The following DNHD1 variants were observed in gnomAD, a reference collection of about 807,000 sequenced individuals.
DNHD1 encodes dynein heavy chain domain-containing protein 1.
In DNHD1, 383 loss-of-function variants were observed where a neutral mutation model predicts 458.1. That is an observed-to-expected ratio of 0.84 (90% confidence interval 0.77 to 0.91). The LOEUF is 0.91. Among genes scored for constraint, DNHD1 ranks in the 40% least tolerant of loss-of-function variants. The pLI, the probability that DNHD1 is intolerant of heterozygous loss-of-function variation, is 0.00. For synonymous variants in DNHD1, 2,203 were observed against 2,376.9 expected (o/e 0.93, Z 2.13); for missense variants, 5,336 against 5,866.1 (o/e 0.91, Z 2.95).
intron 10 of DNHD1, among the ~76,000 whole-genome samples, chr11:6,524,950 G>T (rs887891797): frequency 3.9e-5 from 6 of 152,178 alleles, no homozygotes; most frequent in Non-Finnish European, 2.9e-5. Flanking sequence ...TGGTCATCAA[G>T]TACCAGGTTC....
chr11:6,556,606 G>T (rs928758754), intron 24 of DNHD1, 77 bp from the exon 25 acceptor site: 2 of 1,369,390 alleles, frequency 1.5e-6, no homozygotes, highest in African/African-American at 2.9e-5. Flanking sequence ...ACCGTGTGTG[G>T]CAGGAATAGA....
intron 33 of DNHD1, 110 bp downstream of exon 33, chr11:6,566,101 G>A: frequency 6.8e-7 from 1 of 1,479,014 alleles, no homozygotes; most frequent in South Asian, 1.3e-5. Flanking sequence ...TTCATCCCAG[G>A]CACTAACTAT....
intron 10 of DNHD1, among the ~76,000 whole-genome samples, chr11:6,522,795 A>G (rs1852630395): frequency 6.6e-6 from 1 of 152,204 alleles, no homozygotes; most frequent in Non-Finnish European, 1.5e-5. Context: ...CTTACACACA[A>G]AAGTATGAAA....
At position 6,498,521 on chromosome 11, in the gene DNHD1, T is replaced by C. The variant is rs1852077634; in HGVS notation, c.306T>C (p.Leu102=). The change falls in exon 3 of 43, where the codon CTT becomes CTC. Residue 102 remains leucine, a synonymous_variant. Coordinates refer to ENST00000254579, the MANE Select transcript of DNHD1 (RefSeq NM_144666.3). ...ATCGTGAGTTGCTAGTTGGCCACCT[T>C]GATTTGCTGCCCTTCCTGGAGCAGC... ...PPYRELLVGH[L]DLLPFLEQLY... is the part of the protein sequence containing the mutation. The C allele has an allele frequency of 6.2e-7, 1 of 1,614,062 alleles. No homozygotes were observed. Among genetic ancestry groups the C allele is most frequent in the African/African-American group, 1.3e-5 (1 of 74,914 alleles).
chr11:6,563,491 T>C lies in DNHD1; in HGVS notation c.9779T>C (p.Met3260Thr), dbSNP rs1365708401. 1.9e-6 allele frequency: 3 copies of C among 1,551,546 alleles called. No homozygotes were observed. Among genetic ancestry groups the C allele is most frequent in the Non-Finnish European group, 2.6e-6 (3 of 1,146,984 alleles). ...TCTGTGGTCCGGGTAACTGATGCAATGTGTGACTTGTTCCACCATGAAACA... is the reference window on the plus strand; with the variant it reads ...TCTGTGGTCCGGGTAACTGATGCAACGTGTGACTTGTTCCACCATGAAACA... ...PESVVRVTDAMCDLFHHETGW... is the reference protein window; with the variant it reads ...PESVVRVTDATCDLFHHETGW... Residue 3260 changes from methionine (M) to threonine (T), a missense_variant, in exon 30 of 43, where the codon ATG (methionine) becomes ACG (threonine). Coordinates refer to ENST00000254579, the MANE Select transcript of DNHD1 (RefSeq NM_144666.3).
Position 6,528,765 on chromosome 11 carries a change from A to G in DNHD1, c.2081A>G (p.Asn694Ser), listed in dbSNP as rs7480644. Residue 694 changes from asparagine (N) to serine (S), a missense_variant, in exon 11 of 43, where the codon AAT becomes AGT. Around this residue, in one of 4 missense-constraint regions of DNHD1, gnomAD observed 3,932 missense variants for 4,365.6 expected, o/e 0.90. Transcript: ENST00000254579. The part of the protein sequence containing the change: ...DNNPKIQQAL[N>S]IQQVLLEGVL... Reference sequence around the variant, plus strand: ...AACCCTAAGATCCAGCAGGCACTGAATATACAACAGGTGCTGCTGGAGGTG... The same window carrying G: ...AACCCTAAGATCCAGCAGGCACTGAGTATACAACAGGTGCTGCTGGAGGTG... 0.68 allele frequency: 1,055,203 copies of G among 1,550,856 alleles called. 360,852 individuals are homozygous for G. The highest frequency in any genetic ancestry group is 0.87 in the East Asian group (35,568 of 40,872).
In DNHD1 at chr11:6,529,061, G is replaced by A. The variant is rs369157719; in HGVS notation, c.2287G>A (p.Glu763Lys). The change falls in exon 12 of 43, where the codon GAG becomes AAG. Residue 763 changes from glutamate (E) to lysine (K), a missense_variant. Glu to Lys is a moderately conservative substitution (Grantham distance 56, BLOSUM62 1). Around this residue, in one of 4 missense-constraint regions of DNHD1, gnomAD observed 3,932 missense variants for 4,365.6 expected, o/e 0.90. Coordinates refer to ENST00000254579, the MANE Select transcript of DNHD1 (RefSeq NM_144666.3). Reference sequence around the variant, plus strand: ...GGCCCGTGTCTCCAGTATGCCTATCGAGTTGCTCACAAAAGGCGGGTTGCT... The same window carrying A: ...GGCCCGTGTCTCCAGTATGCCTATCAAGTTGCTCACAAAAGGCGGGTTGCT... ...WQARVSSMPI[E>K]LLTKGGLLLL... The A allele has an allele frequency of 1.9e-4, 293 of 1,550,798 alleles. 2 individuals carry two copies. Among genetic ancestry groups the A allele is most frequent in the African/African-American group, 1.7e-3 (126 of 73,134 alleles).
At chr11:6,502,094 G>T (rs2723622) in intron 3 of DNHD1, among the ~76,000 whole-genome samples, 4,904 of 152,202 alleles carry the variant, frequency 0.032, 270 homozygotes, top group African/African-American at 0.11. Flanking sequence ...AAAATTATTA[G>T]TCATTCACTT....
At position 6,570,716 on chromosome 11, in the gene DNHD1, C is replaced by G. The variant is rs769938244; in HGVS notation, c.13204C>G (p.Gln4402Glu). ...PRLCGLSEGPQAWLLRRQSRA... is the reference protein window; with the variant it reads ...PRLCGLSEGPEAWLLRRQSRA... ...GCTCTGCGGACTGAGTGAGGGCCCC[C>G]AAGCCTGGCTGTTGCGACGCCAGAG... The change falls in exon 42 of 43, where the codon CAA becomes GAA. Residue 4402 changes from glutamine (Q) to glutamate (E), a missense_variant. Gln to Glu is a conservative substitution (Grantham distance 29). Coordinates refer to ENST00000254579, the MANE Select transcript of DNHD1 (RefSeq NM_144666.3). 2 of 1,611,120 alleles carry G rather than the reference C, an allele frequency of 1.2e-6. No homozygotes were observed. Among genetic ancestry groups the G allele is most frequent in the East Asian group, 2.2e-5 (1 of 44,710 alleles).
At chr11:6,515,460 C>T (rs898747994) in intron 7 of DNHD1, among the ~76,000 whole-genome samples, 2 of 152,200 alleles carry the variant, frequency 1.3e-5, no homozygotes, top group African/African-American at 4.8e-5. Context: ...TGGAACAGTT[C>T]CTCAGCCTTT....
chr11:6,555,891 T>C (rs72901745), intron 24 of DNHD1, among the ~76,000 whole-genome samples: 2,090 of 152,306 alleles, frequency 0.014, 20 homozygotes, highest in Middle Eastern at 0.044. Context: ...GACACAGGTG[T>C]GTACATTAGT....
At position 6,564,091 on chromosome 11, in the gene DNHD1, C is replaced by T. The variant is rs1362973660; in HGVS notation, c.10251C>T (p.Leu3417=). Residue 3417 remains leucine, a synonymous_variant, in exon 31 of 43, where the codon CTC becomes CTT. Transcript: ENST00000254579. ...AATGGCCCATGAAGGCTGCACTGCTCACGCCTATGCGTGCCTGGACTACAC... is the reference window on the plus strand; with the variant it reads ...AATGGCCCATGAAGGCTGCACTGCTTACGCCTATGCGTGCCTGGACTACAC... ...YHKWPMKAAL[L]TPMRAWTTQL... 6.4e-7 allele frequency: 1 copy of T among 1,551,528 alleles called. No individual in the cohort carries two copies. Among genetic ancestry groups the T allele is most frequent in the African/African-American group, 1.4e-5 (1 of 73,186 alleles).
chr11:6,569,809 C>T (rs902562599), intron 39 of DNHD1, among the ~76,000 whole-genome samples, 200 bp from the exon 40 acceptor site: 2 of 151,992 alleles, frequency 1.3e-5, no homozygotes, highest in African/African-American at 4.8e-5. Context: ...GGGTGGCTGG[C>T]GGTACCTCTC....
chr11:6,564,134 C>A lies in DNHD1; in HGVS notation c.10284+10C>A, dbSNP rs551481498. The A allele has an allele frequency of 2.6e-6, 4 of 1,545,768 alleles. No individual in the cohort carries two copies. Among genetic ancestry groups the A allele is most frequent in the Non-Finnish European group, 3.5e-6 (4 of 1,142,872 alleles). On this transcript the variant is annotated intron_variant, in intron 31 of 42. Transcript: ENST00000254579. ...GACTACACAGCTCCAGGTAACCATC[C>A]CCCTCCCAGATGTCTCCCCCAAAGT... is the stretch of plus-strand genomic sequence containing the variant.
At position 6,547,366 on chromosome 11, in the gene DNHD1, G is replaced by C; in HGVS notation, c.6427G>C (p.Ala2143Pro). The C allele has an allele frequency of 6.4e-7, 1 of 1,551,750 alleles. No homozygotes were observed. Among genetic ancestry groups the C allele is most frequent in the Non-Finnish European group, 8.7e-7 (1 of 1,146,994 alleles). ...ATCCCCCACAGTGGTAGGCTGTTGT[G>C]CCCTAGTCTGGTGTGGTGGAGAGCA... is the stretch of plus-strand genomic sequence containing the variant. ...GISPTVVGCC[A>P]LVWCGGEQTW... is the part of the protein sequence containing the mutation. Residue 2143 changes from alanine to proline, a missense_variant, in exon 21 of 43, where the codon GCC becomes CCC. Around this residue, in one of 4 missense-constraint regions of DNHD1, gnomAD observed 3,932 missense variants for 4,365.6 expected, o/e 0.90. Transcript: ENST00000254579.
At chr11:6,533,322 C>T (rs1232005171) in intron 13 of DNHD1, 138 bp downstream of exon 13, 1 of 946,468 alleles carries the variant, frequency 1.1e-6, no homozygotes, top group East Asian at 2.7e-5. Context: ...AGAGATCTAC[C>T]CTTGCTAATT....
intron 10 of DNHD1, chr11:6,520,715 AATTC>A: frequency 4.0e-5 from 41 of 1,014,056 alleles, no homozygotes; most frequent in Non-Finnish European, 4.8e-5. Flanking sequence ...CATATGGATT[AATTC>A]ATTGTATTGA....
Position 6,570,058 on chromosome 11 carries a change from G to C in DNHD1, c.12913G>C (p.Ala4305Pro). 1 of 1,613,930 alleles carries C rather than the reference G, an allele frequency of 6.2e-7. No individual in the cohort carries two copies. The highest frequency in any genetic ancestry group is 2.2e-5 in the East Asian group (1 of 44,878). ...QVLQTQDQLWASLSNPRAAMQ... is the reference protein window; with the variant it reads ...QVLQTQDQLWPSLSNPRAAMQ... ...TCTTCAGACCCAAGACCAGCTGTGGGCAAGTCTTAGCAATCCCCGTGCTGC... is the reference window on the plus strand; with the variant it reads ...TCTTCAGACCCAAGACCAGCTGTGGCCAAGTCTTAGCAATCCCCGTGCTGC... The change falls in exon 40 of 43, where the codon GCA (alanine) becomes CCA (proline). Residue 4305 changes from alanine to proline, a missense_variant. Physicochemically the swap from Ala to Pro is conservative, Grantham distance 27 (BLOSUM62 -1). This residue lies in a region of DNHD1 where 698 missense variants were observed against 664.9 expected (regional missense o/e 1.05). Transcript: ENST00000254579.
chr11:6,499,607 G>A (rs113539247), intron 3 of DNHD1, among the ~76,000 whole-genome samples: 62 of 151,638 alleles, frequency 4.1e-4, no homozygotes, highest in African/African-American at 1.5e-3. Flanking sequence ...TCACTCTGTC[G>A]CCCAGGCTGG....
Sources: gnomAD v4.1 joint callset for allele counts (sites outside exome capture counted in the v4.1 genomes callset) on GRCh38, gnomAD v4.1.1 for gene constraint, gnomAD v4.1.1 regional missense constraint, MANE v1.5 for transcripts, NCBI Gene and HGNC (gene_info 2026-07-23, HGNC 2026-07-21) for gene names.